Variants in DGKB observed in about 807,000 individuals in gnomAD.
DGKB encodes the protein diacylglycerol kinase beta, also known as 90 kDa diacylglycerol kinase.
DGKB carries 67 observed loss-of-function variants against 114.3 expected under a neutral mutation model. The observed-to-expected ratio is 0.59, with a 90% CI of 0.48 to 0.72. The LOEUF is 0.72. DGKB is among the 30% of genes least tolerant of loss of function. The probability of loss-of-function intolerance (pLI) is 0.00; values close to 1 mark genes in which losing one functional copy is unlikely to be tolerated. For missense variants in DGKB, 907 were observed against 975.2 expected (o/e 0.93, Z 0.93); for synonymous variants, 398 against 323.1 (o/e 1.23, Z -2.49).
At chr7:14,164,929 T>G (rs1784409348) in intron 25 of DGKB, among the ~76,000 whole-genome samples, 1 of 152,194 alleles carries the variant, frequency 6.6e-6, no homozygotes, top group African/African-American at 2.4e-5. Context: ...TCAATATTTC[T>G]TTGTGACTCG....
At chr7:14,357,465 C>T (rs1002221673) in intron 21 of DGKB, among the ~76,000 whole-genome samples, 1 of 152,148 alleles carries the variant, frequency 6.6e-6, no homozygotes, top group Non-Finnish European at 1.5e-5. Context: ...CTTCCTCCAT[C>T]CCTTTATTTT....
At chr7:14,814,964 T>C (rs1469778921) in intron 2 of DGKB, among the ~76,000 whole-genome samples, 4 of 152,196 alleles carry the variant, frequency 2.6e-5, no homozygotes. Context: ...CATTTTATAG[T>C]TTCTCTAACC....
intron 13 of DGKB, among the ~76,000 whole-genome samples, chr7:14,647,992 C>T (rs1395638426): frequency 6.6e-6 from 1 of 152,226 alleles, no homozygotes; most frequent in African/African-American, 2.4e-5. Flanking sequence ...TCAGAGGGTC[C>T]TACGCCCACG....
chr7:14,885,321 A>G (rs994927552), intron 1 of DGKB, among the ~76,000 whole-genome samples: 35 of 152,052 alleles, frequency 2.3e-4, no homozygotes, highest in African/African-American at 8.2e-4. Flanking sequence ...TAAGAAAGCT[A>G]CAGACATATA....
intron 2 of DGKB, among the ~76,000 whole-genome samples, chr7:14,833,675 G>A (rs1846740250): frequency 6.6e-6 from 1 of 152,064 alleles, no homozygotes; most frequent in Admixed American, 6.6e-5. Flanking sequence ...TTAGACTCAT[G>A]CCCATGTACA....
chr7:14,671,182 T>C (rs1818902785), intron 13 of DGKB, among the ~76,000 whole-genome samples: 2 of 151,818 alleles, frequency 1.3e-5, no homozygotes, highest in African/African-American at 4.8e-5. Context: ...TGCCATGACA[T>C]AGGAGGGTAG....
intron 4 of DGKB, among the ~76,000 whole-genome samples, chr7:14,745,508 G>C (rs1163800199): frequency 2.0e-5 from 3 of 152,274 alleles, no homozygotes; most frequent in African/African-American, 4.8e-5. Context: ...TTGAGCACAG[G>C]GGGGCTTGCC....
In DGKB at chr7:14,471,594, G is replaced by A. The variant is rs149952678; in HGVS notation, c.1835+6567C>T. On this transcript the variant is annotated intron_variant, in intron 21 of 25. Coordinates refer to ENST00000402815, the MANE Select transcript of DGKB (RefSeq NM_001350709.2). Reference sequence around the variant, plus strand: ...ACAGTGCTCAGGGATTTATGTTAAAGAATTTTTGTTTGTTTTGCATTGCTG... The same window carrying A: ...ACAGTGCTCAGGGATTTATGTTAAAAAATTTTTGTTTGTTTTGCATTGCTG... Among the ~76,000 whole-genome samples, 837 of 151,440 alleles carry A rather than the reference G, an allele frequency of 5.5e-3. 2 individuals carry two copies. The highest frequency in any genetic ancestry group is 9.3e-3 in the Non-Finnish European group (631 of 67,724).
intron 13 of DGKB, among the ~76,000 whole-genome samples, chr7:14,650,903 T>C (rs1814312901): frequency 6.6e-6 from 1 of 151,678 alleles, no homozygotes. Context: ...CTAGAAGAAA[T>C]GGATAAACTC....
At chr7:14,892,862 A>ATGTG (rs200803365) in intron 1 of DGKB, among the ~76,000 whole-genome samples, 13,174 of 75,982 alleles carry the variant, frequency 0.17, 778 homozygotes, top group South Asian at 0.29. Context: ...CCATATATAT[A>ATGTG]TATGTGTGTG....
At chr7:14,294,299 T>A (rs1802198472) in intron 23 of DGKB, among the ~76,000 whole-genome samples, 1 of 152,144 alleles carries the variant, frequency 6.6e-6, no homozygotes, top group African/African-American at 2.4e-5. Context: ...TCCCTTACTA[T>A]GTAACATAAT....
intron 2 of DGKB, among the ~76,000 whole-genome samples, chr7:14,832,573 C>T (rs1022133478): frequency 2.0e-5 from 3 of 152,002 alleles, no homozygotes; most frequent in Non-Finnish European, 2.9e-5. Context: ...GATAAAGACT[C>T]GGGATGCGTT....
intron 2 of DGKB, among the ~76,000 whole-genome samples, chr7:14,824,570 AT>A (rs1845397863): frequency 6.6e-6 from 1 of 152,140 alleles, no homozygotes; most frequent in Non-Finnish European, 1.5e-5. Context: ...AGTTGAAAAA[AT>A]AATCAAGATC....
intron 21 of DGKB, among the ~76,000 whole-genome samples, chr7:14,473,499 G>A (rs1479840961): frequency 2.0e-5 from 3 of 152,198 alleles, no homozygotes; most frequent in African/African-American, 7.2e-5. Flanking sequence ...GAAGGGAAAT[G>A]TGGGGTCAGA....
intron 24 of DGKB, 80 bp from the exon 25 acceptor site, chr7:14,176,979 G>C (rs1781838860): frequency 1.3e-6 from 2 of 1,546,842 alleles, no homozygotes; most frequent in Non-Finnish European, 8.9e-7. Context: ...AAGATGATGA[G>C]ACCAGGGAAG....
At chr7:14,502,503 A>T (rs1172271946) in intron 20 of DGKB, among the ~76,000 whole-genome samples, 6 of 151,922 alleles carry the variant, frequency 3.9e-5, no homozygotes, top group Admixed American at 1.3e-4. Context: ...ACAATATACA[A>T]CTCTTAAGTA....
In DGKB at chr7:14,345,305, A is replaced by G. The variant is rs1248293489; in HGVS notation, c.1922T>C (p.Ile641Thr). ...TCKKLHESVE[I>T]ECDGVQIDLI... Reference sequence around the variant, plus strand: ...GAGAATTCATTTTTTTCTTACTTCTATTTCTACAGATTCATGTAGCTTCTT... The same window carrying G: ...GAGAATTCATTTTTTTCTTACTTCTGTTTCTACAGATTCATGTAGCTTCTT... Residue 641 changes from isoleucine to threonine, a missense_variant, in exon 22 of 26, where the codon ATA becomes ACA. Around this residue, in one of 3 missense-constraint regions of DGKB, gnomAD observed 814 missense variants for 856.6 expected, o/e 0.95. Transcript: ENST00000402815. 1.3e-6 allele frequency: 2 copies of G among 1,527,546 alleles called. No individual in the cohort carries two copies. Among genetic ancestry groups the G allele is most frequent in the Admixed American group, 2.0e-5 (1 of 49,534 alleles). The allele number at this position is 1,527,546 out of a possible 1,614,324, so 94.6% of individuals were successfully genotyped here.
At chr7:14,553,864 G>GTTTTT (rs1563492076) in intron 20 of DGKB, among the ~76,000 whole-genome samples, 12 of 83,162 alleles carry the variant, frequency 1.4e-4, no homozygotes, top group Admixed American at 7.1e-4. Context: ...TCCTTTACAT[G>GTTTTT]CTTTTTTTTT....
intron 23 of DGKB, among the ~76,000 whole-genome samples, chr7:14,249,323 T>G (rs542551052): frequency 1.3e-5 from 2 of 152,194 alleles, no homozygotes; most frequent in South Asian, 4.1e-4. Flanking sequence ...AGTGTTTTTA[T>G]CTGGCTTTGT....
Sources: allele counts gnomAD v4.1 joint callset (sites outside exome capture counted in the v4.1 genomes callset), GRCh38; gene constraint gnomAD v4.1.1; regional missense constraint gnomAD v4.1.1; transcripts MANE v1.5; gene names NCBI Gene and HGNC (gene_info 2026-07-23, HGNC 2026-07-21).